Variants in CDKAL1 observed in about 807,000 individuals in gnomAD.
The protein encoded by CDKAL1 is CDKAL1 threonylcarbamoyladenosine tRNA methylthiotransferase, also known as threonylcarbamoyladenosine tRNA methylthiotransferase.
In CDKAL1, 32 loss-of-function variants were observed where a neutral mutation model predicts 68.2. That is an observed-to-expected ratio of 0.47 (90% CI 0.35 to 0.63). The LOEUF is 0.63. CDKAL1 is among the 30% of genes least tolerant of loss of function. The probability of loss-of-function intolerance (pLI) is 0.00; values close to 1 mark genes in which losing one functional copy is unlikely to be tolerated. For missense variants in CDKAL1, 606 were observed against 696.7 expected (o/e 0.87, Z 1.47); for synonymous variants, 234 against 244.3 (o/e 0.96, Z 0.39).
At chr6:20,583,797 A>G (rs1765234386) in intron 4 of CDKAL1, among the ~76,000 whole-genome samples, 1 of 138,858 alleles carries the variant, frequency 7.2e-6, no homozygotes, top group Non-Finnish European at 1.6e-5. Flanking sequence ...CCCCCCCACT[A>G]GTTTCAGTCT....
At chr6:20,909,776 C>T (rs1204640774) in intron 9 of CDKAL1, among the ~76,000 whole-genome samples, 2 of 152,034 alleles carry the variant, frequency 1.3e-5, no homozygotes, top group Non-Finnish European at 2.9e-5. Flanking sequence ...CTAGGTAGGC[C>T]TCAGGTAGTG....
intron 13 of CDKAL1, among the ~76,000 whole-genome samples, chr6:21,124,685 C>A (rs1774903063): frequency 6.6e-6 from 1 of 151,218 alleles, no homozygotes; most frequent in African/African-American, 2.4e-5. Flanking sequence ...GAGGTCAAAT[C>A]TAGATAAATT....
chr6:20,576,622 C>T (rs144081160), intron 4 of CDKAL1, among the ~76,000 whole-genome samples: 1 of 152,162 alleles, frequency 6.6e-6, no homozygotes, highest in African/African-American at 2.4e-5. Context: ...TTTGTGTGAC[C>T]TGTGAAGATG....
chr6:20,899,755 A>C (rs1441204339), intron 9 of CDKAL1, among the ~76,000 whole-genome samples: 1 of 152,216 alleles, frequency 6.6e-6, no homozygotes, highest in Non-Finnish European at 1.5e-5. Flanking sequence ...AGGCAGGAGA[A>C]TCACTTGAAC....
intron 11 of CDKAL1, among the ~76,000 whole-genome samples, chr6:21,017,541 C>G (rs1188981566): frequency 6.6e-6 from 1 of 152,168 alleles, no homozygotes; most frequent in Non-Finnish European, 1.5e-5. Flanking sequence ...GGGTTTGGTT[C>G]AGTACATACA....
chr6:21,046,150 C>T (rs1412143481), intron 11 of CDKAL1, among the ~76,000 whole-genome samples: 1 of 152,154 alleles, frequency 6.6e-6, no homozygotes, highest in Admixed American at 6.5e-5. Flanking sequence ...GAAAAGAGTG[C>T]CTTCCACATT....
intron 9 of CDKAL1, among the ~76,000 whole-genome samples, chr6:20,866,953 A>G (rs1470460490): frequency 6.6e-6 from 1 of 152,226 alleles, no homozygotes; most frequent in East Asian, 1.9e-4. Context: ...CTAAGCTAAA[A>G]TTAAAGCAAG....
At chr6:20,852,517 A>G in intron 9 of CDKAL1, among the ~76,000 whole-genome samples, 1 of 152,204 alleles carries the variant, frequency 6.6e-6, no homozygotes, top group East Asian at 1.9e-4. Context: ...TTTAAAAGAC[A>G]TTTTTTGGGA....
chr6:20,987,262 CT>C (rs1392710913), intron 10 of CDKAL1, among the ~76,000 whole-genome samples: 13,551 of 135,794 alleles, frequency 0.1, 759 homozygotes, highest in African/African-American at 0.21. Context: ...TGTCTGGAAA[CT>C]TTTTTTTTTT....
chr6:21,006,289 A>G (rs1219925891), intron 11 of CDKAL1, among the ~76,000 whole-genome samples: 1 of 152,202 alleles, frequency 6.6e-6, no homozygotes, highest in Non-Finnish European at 1.5e-5. Flanking sequence ...TCAGAAGAAA[A>G]GAAAATAAAT....
chr6:20,839,680 T>G (rs1778098119), intron 8 of CDKAL1, among the ~76,000 whole-genome samples: 1 of 152,114 alleles, frequency 6.6e-6, no homozygotes, highest in South Asian at 2.1e-4. Flanking sequence ...GTTCCCAGCT[T>G]CCTGACCTCT....
At chr6:20,902,318 C>T (rs903320790) in intron 9 of CDKAL1, among the ~76,000 whole-genome samples, 1 of 2,658 alleles carries the variant, frequency 3.8e-4, no homozygotes, top group Non-Finnish European at 1.2e-3. Context: ...GATTCACACA[C>T]ACACACACAC....
At chr6:21,062,906 TTTTG>T (rs144378685) in intron 11 of CDKAL1, among the ~76,000 whole-genome samples, 126,325 of 151,320 alleles carry the variant, frequency 0.83, 53,359 homozygotes, top group African/African-American at 0.96. Context: ...TAGAACTGTT[TTTTG>T]TTTGTTTGTT....
chr6:21,023,130 A>ATT (rs11438527), intron 11 of CDKAL1, among the ~76,000 whole-genome samples: 320 of 149,538 alleles, frequency 2.1e-3, no homozygotes, highest in Admixed American at 4.4e-3. Context: ...TCAATTGATA[A>ATT]TTTTTTTTTT....
chr6:20,868,843 G>A (rs1760043938), intron 9 of CDKAL1, among the ~76,000 whole-genome samples: 1 of 152,180 alleles, frequency 6.6e-6, no homozygotes, highest in Admixed American at 6.5e-5. Flanking sequence ...GAATGCTATG[G>A]AACTGCAGAG....
chr6:20,696,846 G>C (rs1357235091), intron 5 of CDKAL1, among the ~76,000 whole-genome samples: 3 of 152,140 alleles, frequency 2.0e-5, no homozygotes, highest in African/African-American at 7.2e-5. Context: ...GATGCAAACA[G>C]TATGTGTTGA....
rs572035872 is a variant in CDKAL1, at chr6:21,192,114, C to T, written c.1300-5907C>T. Among the ~76,000 whole-genome samples the T allele has an allele frequency of 2.9e-5, 4 of 138,442 alleles. No individual in the cohort carries two copies. The East Asian group carries it at 8.6e-4, about 30-fold the overall frequency. 90.8% of individuals were successfully genotyped at this position (138,442 alleles called of 152,430 possible). ...TCGGCTCACTGCAAGCTCCGCTTCC[C>T]GGGTTCACGCCATTCTCCTGCCTCA... On this transcript the variant is annotated intron_variant, in intron 13 of 15. Coordinates refer to ENST00000274695, the MANE Select transcript of CDKAL1 (RefSeq NM_017774.3).
rs1358337756 is a variant in CDKAL1 at position 21,230,986 on chromosome 6, G to C, written c.1687G>C (p.Gly563Arg). Residue 563 changes from glycine to arginine, a missense_variant, in exon 16 of 16, where the codon GGC becomes CGC. Coordinates refer to ENST00000274695, the MANE Select transcript of CDKAL1 (RefSeq NM_017774.3). ...HQDCALRMSV[G>R]LALLGLLFAF... Reference sequence around the variant, plus strand: ...AGACTGTGCGCTGAGGATGTCCGTGGGCTTGGCTCTGCTGGGTCTTCTTTT... The same window carrying C: ...AGACTGTGCGCTGAGGATGTCCGTGCGCTTGGCTCTGCTGGGTCTTCTTTT... 2 of 1,612,860 alleles carry C rather than the reference G, an allele frequency of 1.2e-6. No homozygotes were observed. Among genetic ancestry groups the C allele is most frequent in the South Asian group, 2.2e-5 (2 of 90,896 alleles).
intron 4 of CDKAL1, among the ~76,000 whole-genome samples, chr6:20,586,978 GTTTTTTTT>G (rs750210435): frequency 2.2e-5 from 1 of 44,452 alleles, no homozygotes; most frequent in African/African-American, 9.5e-5. Flanking sequence ...TCCTCCAGGT[GTTTTTTTT>G]TTTTTTTTTT....
Sources: gnomAD v4.1 joint callset for allele counts (sites outside exome capture counted in the v4.1 genomes callset) on GRCh38, gnomAD v4.1.1 for gene constraint, MANE v1.5 for transcripts, NCBI Gene and HGNC (gene_info 2026-07-23, HGNC 2026-07-21) for gene names.